MORC1: variants seen among roughly 807,000 people sequenced by gnomAD.
MORC1 encodes MORC family CW-type zinc finger 1, also known as MORC family CW-type zinc finger protein 1.
In MORC1, 59 loss-of-function variants were observed where a neutral mutation model predicts 134.9. The observed-to-expected ratio is 0.44, with a 90% CI of 0.35 to 0.54. The LOEUF (loss-of-function observed/expected upper bound fraction) is 0.54. Among genes scored for constraint, MORC1 ranks in the 20% least tolerant of loss-of-function variants. MORC1 has a pLI of 0.00. For missense variants in MORC1, 947 were observed against 1,134.5 expected, an observed-to-expected ratio of 0.83 and a Z score of 2.37; for synonymous variants, 395 against 391.7, an observed-to-expected ratio of 1.01 and a Z score of -0.10.
chr3:109,108,901 C>CA (rs11329896), intron 3 of MORC1, among the ~76,000 whole-genome samples: 56 of 131,304 alleles, frequency 4.3e-4, no homozygotes, highest in African/African-American at 1.1e-3. Context: ...CTCCGTCTCA[C>CA]AAAAAAAAAA....
intron 26 of MORC1, among the ~76,000 whole-genome samples, chr3:108,967,483 G>A (rs1576575410): frequency 6.6e-6 from 1 of 151,982 alleles, no homozygotes; most frequent in Non-Finnish European, 1.5e-5. Flanking sequence ...ATTCCTGGTG[G>A]GCCAATACGC....
chr3:108,986,003 C>T (rs1947883922), intron 22 of MORC1, among the ~76,000 whole-genome samples: 1 of 152,012 alleles, frequency 6.6e-6, no homozygotes, highest in South Asian at 2.1e-4. Flanking sequence ...ATTAGGTTAC[C>T]TAAGCAACAA....
intron 6 of MORC1, among the ~76,000 whole-genome samples, chr3:109,096,974 C>CTAATAAAATAGCTAAA (rs1463845298): frequency 2.0e-5 from 3 of 152,102 alleles, no homozygotes; most frequent in Non-Finnish European, 4.4e-5. Flanking sequence ...ACAGGAGTTA[C>CTAATAAAATAGCTAAA]AAAAGGATAG....
intron 17 of MORC1, among the ~76,000 whole-genome samples, chr3:109,027,382 G>T (rs563852737): frequency 5.3e-4 from 81 of 152,258 alleles, no homozygotes; most frequent in African/African-American, 1.8e-3. Context: ...CCTCAGGGAA[G>T]AATGAAATAA....
At chr3:109,011,518 G>GTTTTTTTTTTTT (rs1224840111) in intron 17 of MORC1, among the ~76,000 whole-genome samples, 1 of 146,094 alleles carries the variant, frequency 6.8e-6, no homozygotes, top group African/African-American at 2.6e-5. Flanking sequence ...TTTGTGCTTT[G>GTTTTTTTTTTTT]TTTTTGTTTT....
At chr3:109,027,939 C>T in intron 16 of MORC1, 50 bp from the exon 17 acceptor site, 1 of 1,576,556 alleles carries the variant, frequency 6.3e-7, no homozygotes, top group South Asian at 1.1e-5. Context: ...TATAAAACTA[C>T]TTACTGTCTG....
chr3:109,015,782 G>T (rs533116992), intron 17 of MORC1, among the ~76,000 whole-genome samples: 1 of 151,344 alleles, frequency 6.6e-6, no homozygotes, highest in Non-Finnish European at 1.5e-5. Flanking sequence ...GCTCTGCCAC[G>T]CATAATCCTC....
intron 21 of MORC1, among the ~76,000 whole-genome samples, chr3:108,991,354 T>C (rs983716146): frequency 1.3e-5 from 2 of 152,188 alleles, no homozygotes; most frequent in Non-Finnish European, 2.9e-5. Context: ...GAATATGTTC[T>C]ATGTTTAAAG....
At chr3:108,979,897 A>G (rs1947665911) in intron 23 of MORC1, among the ~76,000 whole-genome samples, 1 of 152,318 alleles carries the variant, frequency 6.6e-6, no homozygotes, top group East Asian at 1.9e-4. Flanking sequence ...GTGACAATTA[A>G]ATGGAATTGG....
At chr3:109,008,046 AT>A (rs1341052318) in intron 17 of MORC1, among the ~76,000 whole-genome samples, 3 of 152,038 alleles carry the variant, frequency 2.0e-5, no homozygotes, top group Non-Finnish European at 4.4e-5. Context: ...GAATTGTTGA[AT>A]CGTGCCTTTT....
intron 17 of MORC1, among the ~76,000 whole-genome samples, chr3:109,010,527 T>C (rs576195614): frequency 6.6e-6 from 1 of 152,322 alleles, no homozygotes; most frequent in South Asian, 2.1e-4. Context: ...TTTACAGCTT[T>C]AGTGAGATAT....
chr3:109,108,162 C>T (rs1219182668), intron 3 of MORC1, among the ~76,000 whole-genome samples: 1 of 152,130 alleles, frequency 6.6e-6, no homozygotes, highest in African/African-American at 2.4e-5. Context: ...GCACTCCAGC[C>T]TGGGCAACAG....
chr3:109,011,369 A>G (rs1271786705), intron 17 of MORC1, among the ~76,000 whole-genome samples: 1 of 152,090 alleles, frequency 6.6e-6, no homozygotes, highest in Non-Finnish European at 1.5e-5. Flanking sequence ...TGGTTATCTC[A>G]TTGTGGTTTT....
chr3:108,973,966 T>G (rs1947473636), intron 24 of MORC1, among the ~76,000 whole-genome samples: 1 of 152,186 alleles, frequency 6.6e-6, no homozygotes, highest in Non-Finnish European at 1.5e-5. Flanking sequence ...CATAGTTTCA[T>G]GTAATCTTTA....
chr3:109,025,046 G>T (rs1215739943), intron 17 of MORC1, among the ~76,000 whole-genome samples: 1 of 152,120 alleles, frequency 6.6e-6, no homozygotes, highest in Non-Finnish European at 1.5e-5. Flanking sequence ...TTTGTGAAAG[G>T]AGGAATCAAG....
intron 1 of MORC1, among the ~76,000 whole-genome samples, chr3:109,114,941 C>T (rs1951238827): frequency 6.6e-6 from 1 of 152,222 alleles, no homozygotes; most frequent in South Asian, 2.1e-4. Flanking sequence ...CGCTGAAAAG[C>T]CTGCTCCTTA....
At chr3:109,013,515 G>A (rs1360774796) in intron 17 of MORC1, among the ~76,000 whole-genome samples, 1 of 152,186 alleles carries the variant, frequency 6.6e-6, no homozygotes, top group Admixed American at 6.5e-5. Flanking sequence ...TAGGGTTCCT[G>A]TTGCCTGCTG....
At chr3:108,999,584 C>T (rs1396725531) in intron 21 of MORC1, among the ~76,000 whole-genome samples, 1 of 152,190 alleles carries the variant, frequency 6.6e-6, no homozygotes, top group Non-Finnish European at 1.5e-5. Context: ...GGCACAAGTG[C>T]AATTTAAACC....
At chr3:108,969,361 G>C (rs545149675) in intron 26 of MORC1, among the ~76,000 whole-genome samples, 2 of 152,230 alleles carry the variant, frequency 1.3e-5, no homozygotes, top group African/African-American at 4.8e-5. Flanking sequence ...TAAAATTTCT[G>C]CTTCAGTCTA....
Sources: allele counts gnomAD v4.1 joint callset (sites outside exome capture counted in the v4.1 genomes callset), GRCh38; gene constraint gnomAD v4.1.1; transcripts MANE v1.5; gene names NCBI Gene and HGNC (gene_info 2026-07-23, HGNC 2026-07-21).